Variants in TMEM132E observed in about 807,000 individuals in gnomAD.
TMEM132E encodes transmembrane protein 132E.
Under a neutral mutation model 78.5 loss-of-function variants are expected in TMEM132E, and 49 were observed. The ratio of observed to expected loss-of-function variants is 0.62; its 90% CI spans 0.50 to 0.79. The LOEUF is 0.79. TMEM132E is among the 30% of genes least tolerant of loss of function. TMEM132E has a pLI of 0.00. For missense variants in TMEM132E, 1,403 were observed against 1,470.9 expected, an observed-to-expected ratio of 0.95 and a Z score of 0.75; for synonymous variants, 715 against 670.6, an observed-to-expected ratio of 1.07 and a Z score of -1.02.
intron 1 of TMEM132E, among the ~76,000 whole-genome samples, chr17:34,586,356 AAAG>A (rs1905678876): frequency 6.6e-6 from 1 of 150,874 alleles, no homozygotes; most frequent in African/African-American, 2.4e-5. Flanking sequence ...TCTTAAATGA[AAAG>A]AAAAGTAGGC....
At chr17:34,602,251 G>T (rs1906266420) in intron 1 of TMEM132E, among the ~76,000 whole-genome samples, 1 of 152,230 alleles carries the variant, frequency 6.6e-6, no homozygotes, top group Non-Finnish European at 1.5e-5. Context: ...CTTTAAGCTG[G>T]CTCTCATGTC....
intron 1 of TMEM132E, among the ~76,000 whole-genome samples, chr17:34,604,149 A>G (rs1212765042): frequency 6.6e-6 from 1 of 152,194 alleles, no homozygotes; most frequent in East Asian, 1.9e-4. Context: ...ACAGGCTCAG[A>G]GAAGGCAGTA....
chr17:34,628,578 G>C lies in TMEM132E; in HGVS notation c.1014G>C (p.Lys338Asn). ...EHFTLRVKAK[K>N]GVTLLGTKSR... is the part of the protein sequence containing the mutation. Reference sequence around the variant, plus strand: ...TTTGTCCCAGGGTGAAGGCCAAGAAGGGTGTGACCCTTTTAGGTACCAAGT... The same window carrying C: ...TTTGTCCCAGGGTGAAGGCCAAGAACGGTGTGACCCTTTTAGGTACCAAGT... The change falls in exon 3 of 9, where the codon AAG becomes AAC. Residue 338 changes from lysine to asparagine, a missense_variant. By Grantham distance (94) the Lys-to-Asn change is moderately conservative. Transcript: ENST00000631683. 6.2e-7 allele frequency: 1 copy of C among 1,614,008 alleles called. No homozygotes were observed. The highest frequency in any genetic ancestry group is 8.5e-7 in the Non-Finnish European group (1 of 1,179,974).
At chr17:34,632,948 A>C in intron 6 of TMEM132E, 39 bp downstream of exon 6, 15 of 1,607,430 alleles carry the variant, frequency 9.3e-6, no homozygotes, top group Non-Finnish European at 1.3e-5. Context: ...TGGGAAACTC[A>C]TGGGTGGATA....
intron 1 of TMEM132E, among the ~76,000 whole-genome samples, chr17:34,585,593 G>C (rs1905643537): frequency 6.6e-6 from 1 of 152,018 alleles, no homozygotes; most frequent in African/African-American, 2.4e-5. Context: ...GTTTGTTCTG[G>C]AATCAGAACA....
rs1905420564 is a variant in TMEM132E, at chr17:34,580,358, TG to T, written c.-717del. 6.6e-6 allele frequency: 1 copy of T among 152,330 alleles called. No homozygotes were observed. Among genetic ancestry groups the T allele is most frequent in the Non-Finnish European group, 1.5e-5 (1 of 68,166 alleles). 9.4% of individuals were successfully genotyped at this position (152,330 alleles called of 1,614,324 possible). A position where few individuals can be genotyped will look rare whatever the true frequency, so the allele number is the denominator to read the frequency against. ...GTGGAGCCTGGGCCCTGATCCAGAC[TG>T]GAGAAAGCGCGCTGGAGCGGAGGAG... On this transcript the variant is annotated 5_prime_UTR_variant, in exon 1 of 9. Coordinates refer to ENST00000631683, the MANE Select transcript of TMEM132E (RefSeq NM_001304438.2).
At chr17:34,593,967 G>A (rs925191103) in intron 1 of TMEM132E, among the ~76,000 whole-genome samples, 2 of 152,108 alleles carry the variant, frequency 1.3e-5, no homozygotes, top group African/African-American at 4.8e-5. Flanking sequence ...CAAGGACTTG[G>A]CTGGCCCTTG....
chr17:34,629,709 T>A (rs1192653581), intron 4 of TMEM132E, among the ~76,000 whole-genome samples: 2 of 151,950 alleles, frequency 1.3e-5, no homozygotes, highest in Non-Finnish European at 2.9e-5. Flanking sequence ...ACTGTGTGAG[T>A]CCTGAGGAGC....
chr17:34,588,147 T>A (rs949314827), intron 1 of TMEM132E, among the ~76,000 whole-genome samples: 2 of 152,180 alleles, frequency 1.3e-5, no homozygotes, highest in Non-Finnish European at 2.9e-5. Flanking sequence ...TGTCACAGTC[T>A]TTGTGCATGC....
intron 1 of TMEM132E, among the ~76,000 whole-genome samples, chr17:34,598,966 T>C (rs1906142702): frequency 6.6e-6 from 1 of 152,238 alleles, no homozygotes; most frequent in Admixed American, 6.5e-5. Context: ...TTCATTCAGC[T>C]AACCTTTACT....
At chr17:34,613,521 C>G (rs1269073738) in intron 1 of TMEM132E, among the ~76,000 whole-genome samples, 1 of 151,812 alleles carries the variant, frequency 6.6e-6, no homozygotes, top group Non-Finnish European at 1.5e-5. Flanking sequence ...CCTAAGCCCC[C>G]CACTGCCTCC....
At position 34,638,267 on chromosome 17, in the gene TMEM132E, C is replaced by CA. The variant is rs59550398; in HGVS notation, c.*37dup. On this transcript the variant is annotated 3_prime_UTR_variant, in exon 9 of 9. Transcript: ENST00000631683. ...CCGGAGTAGCAGGGACCCCCCCCCC[C>CA]AACGGGGTCAGCTCGGGGTAGGACA... The CA allele has an allele frequency of 1.3e-4, 178 of 1,372,954 alleles. 1 individual carries two copies. Among genetic ancestry groups the CA allele is most frequent in the Non-Finnish European group, 1.5e-4 (164 of 1,059,754 alleles). The allele number at this position is 1,372,954 out of a possible 1,614,324, so 85.0% of individuals were successfully genotyped here.
chr17:34,604,932 T>G lies in TMEM132E; in HGVS notation c.68-21195T>G, dbSNP rs79266779. Among the ~76,000 whole-genome samples the G allele has an allele frequency of 7.7e-4, 117 of 152,318 alleles. 1 individual carries two copies. The highest frequency in any genetic ancestry group is 2.7e-3 in the African/African-American group (112 of 41,568). ...TGAGGCTCAGCAAGGTTAAACAACT[T>G]TCTCAAGGTCACACAGCTGGAAAGA... On this transcript the variant is annotated intron_variant, in intron 1 of 8. Coordinates refer to ENST00000631683, the MANE Select transcript of TMEM132E (RefSeq NM_001304438.2).
Position 34,580,038 on chromosome 17 carries a change from A to T in TMEM132E, c.-1039A>T, listed in dbSNP as rs2142043419. On this transcript the variant is annotated 5_prime_UTR_variant, in exon 1 of 9. Coordinates refer to ENST00000631683, the MANE Select transcript of TMEM132E (RefSeq NM_001304438.2). ...AAGGTTTGTGCAGGTTCCCCCAGGG[A>T]AGGCGAGGAGCGAGGCGGGGCAGCG... is the stretch of plus-strand genomic sequence containing the variant. 1 of 152,528 alleles carries T rather than the reference A, an allele frequency of 6.6e-6. No homozygotes were observed. Among genetic ancestry groups the T allele is most frequent in the East Asian group, 1.9e-4 (1 of 5,182 alleles). The allele number at this position is 152,528 out of a possible 1,614,324, so 9.4% of individuals were successfully genotyped here. A position where few individuals can be genotyped will look rare whatever the true frequency, so the allele number is the denominator to read the frequency against.
At position 34,626,378 on chromosome 17, in the gene TMEM132E, C is replaced by T; in HGVS notation, c.319C>T (p.Leu107Phe). The T allele has an allele frequency of 6.2e-7, 1 of 1,613,320 alleles. No individual in the cohort carries two copies. The change falls in exon 2 of 9, where the codon CTC (leucine) becomes TTC (phenylalanine). Residue 107 changes from leucine to phenylalanine, a missense_variant. Around this residue, in one of 3 missense-constraint regions of TMEM132E, gnomAD observed 511 missense variants for 499.0 expected, o/e 1.02. Coordinates refer to ENST00000631683, the MANE Select transcript of TMEM132E (RefSeq NM_001304438.2). Reference sequence around the variant, plus strand: ...CACCAGCCAGGTGGTGGCGCGGGAGCTCCTGCAGCCGTCCAGCACCCTGGA... The same window carrying T: ...CACCAGCCAGGTGGTGGCGCGGGAGTTCCTGCAGCCGTCCAGCACCCTGGA... ...FSTSQVVARE[L>F]LQPSSTLDIP... is the part of the protein sequence containing the mutation.
chr17:34,627,504 G>GTGTGTGTGTGTGTA (rs1907199305), intron 2 of TMEM132E, among the ~76,000 whole-genome samples: 1 of 150,184 alleles, frequency 6.7e-6, no homozygotes, highest in Admixed American at 6.6e-5. Context: ...GTGTGTGTGT[G>GTGTGTGTGTGTGTA]TTTTGGGACA....
rs1422667581 is a variant in TMEM132E at position 34,638,025 on chromosome 17, C to T, written c.3018C>T (p.Pro1006=). The T allele has an allele frequency of 6.3e-7, 1 of 1,576,472 alleles. No homozygotes were observed. The highest frequency in any genetic ancestry group is 8.6e-7 in the Non-Finnish European group (1 of 1,161,184). Residue 1006 remains proline, a synonymous_variant, in exon 9 of 9, where the codon CCC becomes CCT. Transcript: ENST00000631683. ...AAGCCGAGGACCCCGCCAGCTCGCC[C>T]ACCTCCAAGCGCAAGCGGGTCAAGT... is the stretch of plus-strand genomic sequence containing the variant. ...RDQAEDPASS[P]TSKRKRVKFT... is the part of the protein sequence containing the mutation.
At position 34,632,686 on chromosome 17, in the gene TMEM132E, G is replaced by C. The variant is rs746297686; in HGVS notation, c.1483-18G>C. 20 of 1,613,760 alleles carry C rather than the reference G, an allele frequency of 1.2e-5. No homozygotes were observed. Among genetic ancestry groups the C allele is most frequent in the Admixed American group, 1.7e-5 (1 of 59,984 alleles). ...GACCTGTAGGGAAGATGTGCCAACT[G>C]TTCCTCCCTTCCCCCAGGTATCCAG... is the stretch of plus-strand genomic sequence containing the variant. On this transcript the variant is annotated intron_variant, in intron 5 of 8. Transcript: ENST00000631683.
At chr17:34,590,599 A>G (rs1405517761) in intron 1 of TMEM132E, among the ~76,000 whole-genome samples, 1 of 152,146 alleles carries the variant, frequency 6.6e-6, no homozygotes, top group Non-Finnish European at 1.5e-5. Context: ...TACCCTGGAT[A>G]AGATAAAAAC....
Sources: allele counts gnomAD v4.1 joint callset (sites outside exome capture counted in the v4.1 genomes callset), GRCh38; gene constraint gnomAD v4.1.1; regional missense constraint gnomAD v4.1.1; transcripts MANE v1.5; gene names NCBI Gene and HGNC (gene_info 2026-07-23, HGNC 2026-07-21).